The following TBC1D2 variants were observed in gnomAD, a reference collection of about 807,000 sequenced individuals.
TBC1D2 encodes TBC1 domain family member 2, also known as TBC1 domain family member 2A.
TBC1D2 carries 58 observed loss-of-function variants against 91.1 expected under a neutral mutation model. The observed-to-expected ratio is 0.64, with a 90% CI of 0.52 to 0.79. TBC1D2 has a LOEUF of 0.79. Ranked by LOEUF, TBC1D2 falls within the 30% of genes least tolerant of loss-of-function variation. The pLI is 0.00. For missense variants in TBC1D2, 1,080 were observed against 1,208.3 expected (o/e 0.89, Z 1.57); for synonymous variants, 482 against 511.5 (o/e 0.94, Z 0.78).
intron 3 of TBC1D2, among the ~76,000 whole-genome samples, chr9:98,240,925 C>A (rs1829622859): frequency 6.6e-6 from 1 of 152,166 alleles, no homozygotes; most frequent in Non-Finnish European, 1.5e-5. Context: ...AATTCCAGGT[C>A]TGCAAGGCCT....
rs1466820761 is a variant in TBC1D2, at chr9:98,209,649, C to T, written c.1674-505G>A. On this transcript the variant is annotated intron_variant, in intron 8 of 12. Transcript: ENST00000465784. ...ATGTTGACTCACCTCCACTCTGTGC[C>T]CTGCCTGCACTATCTCATTTAATCC... Among the ~76,000 whole-genome samples, 5 of 152,124 alleles carry T rather than the reference C, an allele frequency of 3.3e-5. No individual in the cohort carries two copies. In the East Asian group the frequency reaches 5.8e-4, roughly 18 times the overall value.
chr9:98,243,659 CCTG>C (rs1829700458), intron 3 of TBC1D2, among the ~76,000 whole-genome samples: 1 of 151,768 alleles, frequency 6.6e-6, no homozygotes, highest in African/African-American at 2.4e-5. Flanking sequence ...GCCTCAGCCT[CCTG>C]AGTAGCTGGG....
intron 3 of TBC1D2, among the ~76,000 whole-genome samples, chr9:98,243,534 ATTTTTTT>A (rs368728395): frequency 1.1e-4 from 14 of 125,328 alleles, no homozygotes; most frequent in Non-Finnish European, 2.1e-4. Context: ...CAATGAATGT[ATTTTTTT>A]TTTTTTTTTT....
chr9:98,253,157 G>C (rs1429882656), intron 1 of TBC1D2, among the ~76,000 whole-genome samples: 3 of 152,118 alleles, frequency 2.0e-5, no homozygotes, highest in Non-Finnish European at 4.4e-5. Context: ...TGAATACAGG[G>C]GTGAGCCAAC....
At chr9:98,248,552 G>A (rs1829812198) in intron 2 of TBC1D2, among the ~76,000 whole-genome samples, 1 of 152,222 alleles carries the variant, frequency 6.6e-6, no homozygotes, top group African/African-American at 2.4e-5. Context: ...TTAGCTTTGG[G>A]AGGGCAGGTT....
In TBC1D2 at chr9:98,208,776, T is replaced by C; in HGVS notation, c.2042A>G (p.Asn681Ser). The C allele has an allele frequency of 1.3e-6, 2 of 1,582,376 alleles. No homozygotes were observed. The highest frequency in any genetic ancestry group is 1.7e-6 in the Non-Finnish European group (2 of 1,159,268). ...GGAGGTGGGGCAGGTGAAGTGTTTG[T>C]TGTTGGGGAAGGTCCGGTTCAGGTC... The part of the protein sequence containing the change: ...ELDLNRTFPN[N>S]KHFTCPTSSF... Residue 681 changes from asparagine (N) to serine (S), a missense_variant, in exon 9 of 13, where the codon AAC (asparagine) becomes AGC (serine). Coordinates refer to ENST00000465784, the MANE Select transcript of TBC1D2 (RefSeq NM_001267571.2).
intron 9 of TBC1D2, among the ~76,000 whole-genome samples, 173 bp downstream of exon 9, chr9:98,208,495 G>A (rs548393086): frequency 8.5e-5 from 13 of 152,290 alleles, no homozygotes; most frequent in African/African-American, 2.4e-4. Flanking sequence ...TAATGCTGCC[G>A]CTGATCTGAC....
chr9:98,203,172 G>C, intron 10 of TBC1D2, 116 bp downstream of exon 10: 1 of 1,495,842 alleles, frequency 6.7e-7, no homozygotes, highest in Non-Finnish European at 9.0e-7. Context: ...CCACAGTGCA[G>C]AGGGAGAAAT....
intron 5 of TBC1D2, among the ~76,000 whole-genome samples, chr9:98,227,224 G>A (rs1829253315): frequency 6.6e-6 from 1 of 152,188 alleles, no homozygotes; most frequent in Admixed American, 6.5e-5. Context: ...GACCTCACGT[G>A]TTATAACTAC....
In TBC1D2 at chr9:98,210,910, T is replaced by TGAGGCCC. The variant is rs1828821528; in HGVS notation, c.1486-68_1486-67insGGGCCTC. Reference sequence around the variant, plus strand: ...TGGGCCGCCCCAGAGGCCTGAGGCCTGAACAGCTTTAGGCAGCACAGCCCT... The same window carrying TGAGGCCC: ...TGGGCCGCCCCAGAGGCCTGAGGCCTGAGGCCCGAACAGCTTTAGGCAGCACAGCCCT... On this transcript the variant is annotated intron_variant, in intron 7 of 12. Transcript: ENST00000465784. 2.8e-6 allele frequency: 4 copies of TGAGGCCC among 1,445,984 alleles called. No homozygotes were observed. In the East Asian group the frequency reaches 1.0e-4, roughly 36 times the overall value. The allele number at this position is 1,445,984 out of a possible 1,614,324, so 89.6% of individuals were successfully genotyped here.
Position 98,199,313 on chromosome 9 carries a change from C to T in TBC1D2, c.*68G>A, listed in dbSNP as rs1828416664. On this transcript the variant is annotated 3_prime_UTR_variant, in exon 13 of 13. Transcript: ENST00000465784. ...GACACCCAGGGCTGGGCCACTGGTC[C>T]GTGCCTGACCTCCAGTGGGTCTGCC... The T allele has an allele frequency of 2.4e-5, 38 of 1,571,820 alleles. No individual in the cohort carries two copies. Among genetic ancestry groups the T allele is most frequent in the Admixed American group, 5.1e-5 (3 of 59,276 alleles).
intron 7 of TBC1D2, among the ~76,000 whole-genome samples, chr9:98,212,647 G>A (rs985622279): frequency 3.9e-5 from 6 of 152,166 alleles, no homozygotes; most frequent in East Asian, 1.9e-4. Context: ...GACTGCAGGC[G>A]CCCGCCACCA....
intron 4 of TBC1D2, among the ~76,000 whole-genome samples, chr9:98,232,590 T>C (rs1023986662): frequency 3.9e-5 from 6 of 152,100 alleles, no homozygotes; most frequent in Non-Finnish European, 8.8e-5. Context: ...AGTGCTGGGA[T>C]TACAAGCGTG....
At chr9:98,200,468 G>T (rs1828462701) in intron 11 of TBC1D2, 94 bp from the exon 12 acceptor site, 1 of 1,158,562 alleles carries the variant, frequency 8.6e-7, no homozygotes, top group Non-Finnish European at 1.2e-6. Flanking sequence ...CAGTATGGAA[G>T]ACCCTGGACT....
chr9:98,203,177 A>C (rs1290426520), intron 10 of TBC1D2, 111 bp downstream of exon 10: 17 of 1,509,932 alleles, frequency 1.1e-5, no homozygotes, highest in Non-Finnish European at 1.4e-5. Flanking sequence ...GTGCAGAGGG[A>C]GAAATGGAAG....
At position 98,220,820 on chromosome 9, in the gene TBC1D2, G is replaced by A. The variant is rs1829076983; in HGVS notation, c.1374+13C>T. The A allele has an allele frequency of 6.2e-7, 1 of 1,612,338 alleles. No individual in the cohort carries two copies. The highest frequency in any genetic ancestry group is 1.3e-5 in the African/African-American group (1 of 74,972). The stretch of plus-strand genomic sequence containing the variant: ...ACCGGCAGGACTGGCAGGCCCTGAG[G>A]GGAGGCCCCTACCTTCAGGTGCTCT... On this transcript the variant is annotated intron_variant, in intron 6 of 12. Transcript: ENST00000465784.
In TBC1D2 at chr9:98,199,423, G is replaced by T. The variant is rs749420056; in HGVS notation, c.2745C>A (p.Ser915=). 4 of 1,613,840 alleles carry T rather than the reference G, an allele frequency of 2.5e-6. No individual in the cohort carries two copies. The highest frequency in any genetic ancestry group is 2.2e-5 in the East Asian group (1 of 44,876). ...ERRASRRRAV[S]EGCASEDEVE... is the part of the protein sequence containing the mutation. ...CCTCGTCCTCGCTGGCACAGCCCTC[G>T]GACACAGCTCTGCGCCGGGATGCCC... The change falls in exon 13 of 13, where the codon TCC becomes TCA. Residue 915 remains serine, a synonymous_variant. Coordinates refer to ENST00000465784, the MANE Select transcript of TBC1D2 (RefSeq NM_001267571.2).
intron 7 of TBC1D2, 77 bp from the exon 8 acceptor site, chr9:98,210,920 T>C (rs976016139): frequency 6.2e-6 from 5 of 802,008 alleles, no homozygotes; most frequent in Non-Finnish European, 8.9e-6. Context: ...TGAACAGCTT[T>C]AGGCAGCACA....
chr9:98,213,022 T>C (rs1395738802), intron 7 of TBC1D2, 86 bp downstream of exon 7: 88 of 1,444,446 alleles, frequency 6.1e-5, no homozygotes, highest in Non-Finnish European at 8.3e-5. Context: ...AGACAGGAAA[T>C]GAGGAGAGTG....
Sources: allele counts gnomAD v4.1 joint callset (sites outside exome capture counted in the v4.1 genomes callset), GRCh38; gene constraint gnomAD v4.1.1; transcripts MANE v1.5; gene names NCBI Gene and HGNC (gene_info 2026-07-23, HGNC 2026-07-21).